Variants in PFKFB3 observed in about 807,000 individuals in gnomAD.
The protein encoded by PFKFB3 is 6-phosphofructo-2-kinase/fructose-2,6-biphosphatase 3, also known as 6-phosphofructo-2-kinase/fructose-2,6-bisphosphatase 3.
A neutral mutation model predicts 68.0 loss-of-function variants in PFKFB3; 33 were observed. The observed-to-expected ratio is 0.49, with a 90% CI of 0.37 to 0.65. The LOEUF (loss-of-function observed/expected upper bound fraction) is 0.65, where lower values mean the gene tolerates loss of function less well. Ranked by LOEUF, PFKFB3 falls within the 30% of genes least tolerant of loss-of-function variation. The pLI, the probability that PFKFB3 is intolerant of heterozygous loss-of-function variation, is 0.00. For synonymous variants in PFKFB3, 315 were observed against 288.2 expected (o/e 1.09, Z -0.94); for missense variants, 586 against 712.2 (o/e 0.82, Z 2.02).
At chr10:6,145,439 G>T (rs1315903464) in intron 1 of PFKFB3, among the ~76,000 whole-genome samples, 2 of 152,128 alleles carry the variant, frequency 1.3e-5, no homozygotes, top group Non-Finnish European at 2.9e-5. Flanking sequence ...GGCACTTGCA[G>T]CGAATTCCCG....
chr10:6,286,657 T>A, the PFKFB3 span, among the ~76,000 whole-genome samples: 1 of 152,220 alleles, frequency 6.6e-6, no homozygotes, highest in Non-Finnish European at 1.5e-5. Context: ...GGTTTATACA[T>A]ATGAGCCACT....
intron 1 of PFKFB3, among the ~76,000 whole-genome samples, chr10:6,171,782 G>T (rs1443540389): frequency 2.0e-5 from 3 of 152,258 alleles, no homozygotes; most frequent in Non-Finnish European, 4.4e-5. Flanking sequence ...TAAACAGGTT[G>T]TTGGGGGTAG....
In PFKFB3 at chr10:6,221,407, G is replaced by A. The variant is rs765946876; in HGVS notation, c.858G>A (p.Val286=). Residue 286 remains valine, a synonymous_variant, in exon 9 of 15, where the codon GTG becomes GTA. Transcript: ENST00000379775. ...TTGCCAGTGCTCTGAGCAAGTTCGT[G>A]GAGGAGCAGAACCTGAAGGACCTGC... ...KKFASALSKF[V]EEQNLKDLRV... The A allele has an allele frequency of 2.9e-5, 46 of 1,613,934 alleles. 1 individual carries two copies. The highest frequency in any genetic ancestry group is 3.8e-5 in the Non-Finnish European group (45 of 1,180,018).
chr10:6,206,998 T>C (rs71479765), intron 1 of PFKFB3, among the ~76,000 whole-genome samples: 3,578 of 84,624 alleles, frequency 0.042, 124 homozygotes, highest in African/African-American at 0.1. Context: ...AGACGATGGG[T>C]GGCCAGGCAG....
chr10:6,222,512 G>A (rs558627971), intron 10 of PFKFB3, among the ~76,000 whole-genome samples: 1 of 152,172 alleles, frequency 6.6e-6, no homozygotes, highest in Non-Finnish European at 1.5e-5. Context: ...CCGCCTGCCC[G>A]GCCCAGCCCC....
chr10:6,263,602 G>A, the PFKFB3 span, among the ~76,000 whole-genome samples: 1 of 152,224 alleles, frequency 6.6e-6, no homozygotes, highest in Non-Finnish European at 1.5e-5. Context: ...CCAGCAAGGG[G>A]GAAATGAAGA....
At chr10:6,227,892 T>C (rs7071157) in intron 14 of PFKFB3, among the ~76,000 whole-genome samples, 61,464 of 151,922 alleles carry the variant, frequency 0.4, 13,341 homozygotes, top group East Asian at 0.7. Flanking sequence ...CTGATGGAAA[T>C]GTGCAGTTGT....
chr10:6,180,181 G>GA lies in PFKFB3; in HGVS notation c.17-33432dup, dbSNP rs147314828. ...ACATAGTGAGACCCTGTCTCTAAAA[G>GA]AAAAAAAAAATGCTGTAATTGACAT... On this transcript the variant is annotated intron_variant, in intron 1 of 14. Transcript: ENST00000379789. Among the ~76,000 whole-genome samples the GA allele has an allele frequency of 7.9e-4, 116 of 147,420 alleles. 1 individual carries two copies. The highest frequency in any genetic ancestry group is 1.2e-3 in the Non-Finnish European group (83 of 66,728).
chr10:6,236,903 C>G (rs560175368), downstream of PFKFB3, among the ~76,000 whole-genome samples: 1 of 152,270 alleles, frequency 6.6e-6, no homozygotes, highest in Non-Finnish European at 1.5e-5. Flanking sequence ...ATTCAGTAAC[C>G]GGGTGGATGC....
At chr10:6,170,212 G>T (rs921563577) in intron 1 of PFKFB3, among the ~76,000 whole-genome samples, 8 of 152,180 alleles carry the variant, frequency 5.3e-5, no homozygotes, top group Non-Finnish European at 1.0e-4. Context: ...AGGTGATGGT[G>T]TGTCTAGAAG....
the PFKFB3 span, among the ~76,000 whole-genome samples, chr10:6,301,068 C>T: frequency 9.2e-5 from 14 of 152,290 alleles, no homozygotes; most frequent in Non-Finnish European, 1.5e-5. Context: ...TTCCTCTGCC[C>T]AAGCTTGGCA....
intron 1 of PFKFB3, among the ~76,000 whole-genome samples, chr10:6,193,139 G>A (rs1843078125): frequency 6.6e-6 from 1 of 152,188 alleles, no homozygotes; most frequent in South Asian, 2.1e-4. Context: ...GAGGCCAGGA[G>A]TTTGAGACCA....
Position 6,224,814 on chromosome 10 carries a change from A to G in PFKFB3, c.1341+601A>G, listed in dbSNP as rs375596708. Among the ~76,000 whole-genome samples, 64 of 152,262 alleles carry G rather than the reference A, an allele frequency of 4.2e-4. No homozygotes were observed. In the East Asian group the frequency reaches 9.7e-3, roughly 23 times the overall value. On this transcript the variant is annotated intron_variant, in intron 13 of 14. Transcript: ENST00000379775. ...CTTCTCTTTAACATCAGCATGGCAC[A>G]GTTCTTGTTGCCTTTCCTTTCTGGC... is the stretch of plus-strand genomic sequence containing the variant.
chr10:6,168,203 A>G (rs890531511), intron 1 of PFKFB3, among the ~76,000 whole-genome samples: 1 of 152,194 alleles, frequency 6.6e-6, no homozygotes. Context: ...GGCTGGTGGA[A>G]GATCATGAGG....
the PFKFB3 span, among the ~76,000 whole-genome samples, chr10:6,301,934 A>G: frequency 6.6e-6 from 1 of 152,192 alleles, no homozygotes; most frequent in Non-Finnish European, 1.5e-5. Context: ...TCCCCACCAC[A>G]CAGGTTAGTG....
chr10:6,301,357 G>C, the PFKFB3 span, among the ~76,000 whole-genome samples: 1 of 152,292 alleles, frequency 6.6e-6, no homozygotes, highest in Non-Finnish European at 1.5e-5. Context: ...ACTTCATAAA[G>C]GTGCATTTCC....
chr10:6,275,801 G>A, the PFKFB3 span, among the ~76,000 whole-genome samples: 2 of 151,570 alleles, frequency 1.3e-5, no homozygotes, highest in Non-Finnish European at 2.9e-5. This position sits in a 1 kb window ranked among gnomAD's most constrained non-coding sequence, Gnocchi z 4.9. Context: ...TTTTCATAGA[G>A]AGGATTACAT....
At chr10:6,151,239 A>G (rs7097785) in intron 1 of PFKFB3, among the ~76,000 whole-genome samples, 146,959 of 152,228 alleles carry the variant, frequency 0.97, 71,156 homozygotes, top group East Asian at 1. Context: ...CCCCAGGAGC[A>G]TCCAAGGTTC....
chr10:6,248,749 G>A (rs543361409), intron 14 of PFKFB3, among the ~76,000 whole-genome samples: 30 of 151,934 alleles, frequency 2.0e-4, no homozygotes, highest in East Asian at 3.9e-4. Context: ...TGATTAATGC[G>A]TCATTAATGC....
Sources: gnomAD v4.1 joint callset for allele counts (sites outside exome capture counted in the v4.1 genomes callset) on GRCh38, gnomAD v4.1.1 for gene constraint, Gnocchi (gnomAD v3.1) non-coding constraint, MANE v1.5 for transcripts, NCBI Gene and HGNC (gene_info 2026-07-23, HGNC 2026-07-21) for gene names.